Variants in LRP1B observed in about 807,000 individuals in gnomAD.
LRP1B encodes low-density lipoprotein receptor-related protein 1B.
In LRP1B, 217 loss-of-function variants were observed where a neutral mutation model predicts 556.6. The ratio of observed to expected loss-of-function variants is 0.39; its 90% CI spans 0.35 to 0.44. The LOEUF (loss-of-function observed/expected upper bound fraction) is 0.44. Ranked by LOEUF, LRP1B falls within the 20% of genes least tolerant of loss-of-function variation. LRP1B has a pLI of 1.00. For missense variants in LRP1B, 5,053 were observed against 5,620.8 expected (o/e 0.90, Z 3.23); for synonymous variants, 2,047 against 1,865.8 (o/e 1.10, Z -2.50).
chr2:140,495,936 C>A (rs1360197162), intron 55 of LRP1B, among the ~76,000 whole-genome samples, 188 bp from the exon 56 acceptor site: 2 of 152,076 alleles, frequency 1.3e-5, no homozygotes, highest in African/African-American at 4.8e-5. Flanking sequence ...AGCACTCTCC[C>A]AAATATCTTC....
intron 2 of LRP1B, among the ~76,000 whole-genome samples, chr2:141,534,056 T>A (rs13020679): frequency 6.6e-6 from 1 of 151,158 alleles, no homozygotes; most frequent in Non-Finnish European, 1.5e-5. Flanking sequence ...AAAGAGAGTG[T>A]GAGAGAGAGA....
chr2:140,561,185 C>T (rs1397928610), intron 43 of LRP1B, among the ~76,000 whole-genome samples: 3 of 152,140 alleles, frequency 2.0e-5, no homozygotes, highest in African/African-American at 7.2e-5. Flanking sequence ...ATTACTGTAA[C>T]TTTTCCCACC....
chr2:140,240,009 G>T (rs1680879327), intron 87 of LRP1B, among the ~76,000 whole-genome samples: 1 of 150,870 alleles, frequency 6.6e-6, no homozygotes, highest in South Asian at 2.1e-4. Context: ...AACAAAAGGG[G>T]TATCAGTGTT....
chr2:141,828,471 G>A (rs185797062), intron 1 of LRP1B, among the ~76,000 whole-genome samples: 6 of 152,232 alleles, frequency 3.9e-5, no homozygotes, highest in East Asian at 1.9e-4. Flanking sequence ...AAGGGATGGA[G>A]GATAGATGTT....
chr2:140,906,784 G>T (rs1039309022), intron 22 of LRP1B, among the ~76,000 whole-genome samples: 3 of 151,932 alleles, frequency 2.0e-5, no homozygotes, highest in Non-Finnish European at 2.9e-5. Flanking sequence ...AGAAAGAAAT[G>T]AATACAGAAG....
chr2:141,361,614 G>C (rs1408327301), intron 3 of LRP1B, among the ~76,000 whole-genome samples: 3 of 152,052 alleles, frequency 2.0e-5, no homozygotes, highest in Non-Finnish European at 2.9e-5. Context: ...CTTTAGCATT[G>C]TTTATAATTT....
At chr2:140,577,239 C>T (rs919475192) in intron 43 of LRP1B, among the ~76,000 whole-genome samples, 1 of 151,964 alleles carries the variant, frequency 6.6e-6, no homozygotes, top group African/African-American at 2.4e-5. Context: ...AATCCCAGCA[C>T]TTTGGGAGGC....
chr2:141,370,653 A>C (rs1689197263), intron 3 of LRP1B, among the ~76,000 whole-genome samples: 1 of 151,980 alleles, frequency 6.6e-6, no homozygotes, highest in Non-Finnish European at 1.5e-5. Context: ...TTTTGTTTAA[A>C]TCCCATTTGT....
At chr2:140,695,955 C>T (rs1381226171) in intron 41 of LRP1B, among the ~76,000 whole-genome samples, 1 of 152,252 alleles carries the variant, frequency 6.6e-6, no homozygotes, top group Non-Finnish European at 1.5e-5. Flanking sequence ...GCCTTTATCC[C>T]ATCCATTTCT....
chr2:140,884,086 G>A, intron 24 of LRP1B, 65 bp from the exon 25 acceptor site: 1 of 1,371,536 alleles, frequency 7.3e-7, no homozygotes, highest in Non-Finnish European at 1.0e-6. Flanking sequence ...AAAGGAAAAG[G>A]CCTTTGTGCC....
rs1202446198 is a variant in LRP1B at position 140,355,538 on chromosome 2, C to T, written c.11530+804G>A. On this transcript the variant is annotated intron_variant, in intron 75 of 90. Coordinates refer to ENST00000389484, the MANE Select transcript of LRP1B (RefSeq NM_018557.3). The stretch of plus-strand genomic sequence containing the variant: ...TTAAATAATTCCATTTTGATTAACA[C>T]GAAGTAGAATCATTTTTCTTAACCT... Among the ~76,000 whole-genome samples, 7 of 151,960 alleles carry T rather than the reference C, an allele frequency of 4.6e-5. No individual in the cohort carries two copies. In the South Asian group the frequency reaches 6.2e-4, roughly 13 times the overall value.
chr2:140,810,937 A>C (rs1161288194), intron 32 of LRP1B, among the ~76,000 whole-genome samples: 1 of 152,090 alleles, frequency 6.6e-6, no homozygotes, highest in African/African-American at 2.4e-5. Context: ...GGGTTTCACT[A>C]TGTTGACCAC....
At chr2:141,986,467 C>A (rs1338178947) in intron 1 of LRP1B, among the ~76,000 whole-genome samples, 1 of 151,902 alleles carries the variant, frequency 6.6e-6, no homozygotes, top group Non-Finnish European at 1.5e-5. Context: ...GTTAGCCAGT[C>A]TGCCAGGCTA....
In LRP1B at chr2:140,291,320, T is replaced by TATATATATATATATATATATGTATATATA. The variant is rs745524571; in HGVS notation, c.12967+6487_12967+6488insTATATATACATATATATATATATATATAT. ...ATTTTATATATATATATATATATATTTTTATTATACTTTAAGTTCTAGGGT... is the reference window on the plus strand; with the variant it reads ...ATTTTATATATATATATATATATATTATATATATATATATATATATGTATATATATTTATTATACTTTAAGTTCTAGGGT... On this transcript the variant is annotated intron_variant, in intron 84 of 90. Transcript: ENST00000389484. Among the ~76,000 whole-genome samples, 101 of 51,822 alleles carry TATATATATATATATATATATGTATATATA rather than the reference T, an allele frequency of 1.9e-3. 7 individuals are homozygous for TATATATATATATATATATATGTATATATA. The highest frequency in any genetic ancestry group is 3.4e-3 in the Non-Finnish European group (89 of 25,814). 34.0% of individuals were successfully genotyped at this position (51,822 alleles called of 152,430 possible). A position where few individuals can be genotyped will look rare whatever the true frequency, so the allele number is the denominator to read the frequency against.
rs1428338890 is a variant in LRP1B at position 141,815,557 on chromosome 2, GCTCTGTAAAATGCACCAATCAGCA to G, written c.83-5180_83-5157del. On this transcript the variant is annotated intron_variant, in intron 1 of 90. Transcript: ENST00000389484. ...CACTCTATAAAATGCACCAATCAGTGCTCTGTAAAATGCACCAATCAGCACTCTGTAAAATGCACCAATCAGCAG... is the reference window on the plus strand; with the variant it reads ...CACTCTATAAAATGCACCAATCAGTGCTCTGTAAAATGCACCAATCAGCAG... 9.9e-5 allele frequency among the ~76,000 whole-genome samples: 15 copies of G among 152,126 alleles called. No individual in the cohort carries two copies. The East Asian group carries it at 1.7e-3, about 18-fold the overall frequency.
intron 11 of LRP1B, among the ~76,000 whole-genome samples, chr2:141,047,603 T>C (rs997018266): frequency 6.6e-6 from 1 of 152,148 alleles, no homozygotes; most frequent in Non-Finnish European, 1.5e-5. Context: ...CACATTATTC[T>C]TTGACTCAAA....
In LRP1B at chr2:141,462,352, C is replaced by T. The variant is rs140480210; in HGVS notation, c.343+18044G>A. ...CATCAGTTCAATTATAGCTTCATAT[C>T]TAATCTTAGTTCAAATACATTCTCC... On this transcript the variant is annotated intron_variant, in intron 3 of 90. Coordinates refer to ENST00000389484, the MANE Select transcript of LRP1B (RefSeq NM_018557.3). Among the ~76,000 whole-genome samples, 191 of 152,222 alleles carry T rather than the reference C, an allele frequency of 1.3e-3. 3 individuals carry two copies. The highest frequency in any genetic ancestry group is 4.2e-3 in the African/African-American group (175 of 41,546).
At chr2:141,040,506 C>T (rs1489301245) in intron 11 of LRP1B, among the ~76,000 whole-genome samples, 1 of 151,932 alleles carries the variant, frequency 6.6e-6, no homozygotes, top group Non-Finnish European at 1.5e-5. Context: ...CAGTGTCATT[C>T]AGGTACAGAT....
chr2:141,729,796 G>A (rs1693197532), intron 2 of LRP1B, among the ~76,000 whole-genome samples: 1 of 152,056 alleles, frequency 6.6e-6, no homozygotes, highest in Non-Finnish European at 1.5e-5. Context: ...TCACATTTGA[G>A]TAGTACTGTA....
Sources: allele counts gnomAD v4.1 joint callset (sites outside exome capture counted in the v4.1 genomes callset), GRCh38; gene constraint gnomAD v4.1.1; transcripts MANE v1.5; gene names NCBI Gene and HGNC (gene_info 2026-07-23, HGNC 2026-07-21).